Variants in DNAL4 observed in about 807,000 individuals in gnomAD.
DNAL4 encodes the protein dynein axonemal light chain 4.
In DNAL4, 10 loss-of-function variants were observed where a neutral mutation model predicts 12.6. The ratio of observed to expected loss-of-function variants is 0.79; its 90% CI spans 0.49 to 1.34. The LOEUF is 1.34. DNAL4 is among the 40% of genes most tolerant of loss of function. The pLI, the probability that DNAL4 is intolerant of heterozygous loss-of-function variation, is 0.00. For synonymous variants in DNAL4, 46 were observed against 53.1 expected, an observed-to-expected ratio of 0.87 and a Z score of 0.58; for missense variants, 128 against 138.1, an observed-to-expected ratio of 0.93 and a Z score of 0.37.
intron 1 of DNAL4, among the ~76,000 whole-genome samples, chr22:38,783,388 GGGCCTTCCCTCCCACTACACACA>G (rs1249383712): frequency 1.6e-5 from 2 of 125,058 alleles, no homozygotes; most frequent in Non-Finnish European, 3.7e-5. Context: ...CTGCATACAC[GGGCCTTCCCTCCCACTACACACA>G]CGGGCCTTCC....
At position 38,781,266 on chromosome 22, in the gene DNAL4, A is replaced by G. The variant is rs2093033890; in HGVS notation, c.70-257T>C. On this transcript the variant is annotated intron_variant, in intron 2 of 3. Coordinates refer to ENST00000216068, the MANE Select transcript of DNAL4 (RefSeq NM_005740.3). Reference sequence around the variant, plus strand: ...CAGCACCAGGTTCCAGCCAACAGACATGGGAAGAAAGCCGGCTGAGGGCGG... The same window carrying G: ...CAGCACCAGGTTCCAGCCAACAGACGTGGGAAGAAAGCCGGCTGAGGGCGG... Among the ~76,000 whole-genome samples, 13 of 152,350 alleles carry G rather than the reference A, an allele frequency of 8.5e-5. 1 individual carries two copies. In the South Asian group the frequency reaches 2.7e-3, roughly 32 times the overall value.
In DNAL4 at chr22:38,779,556, C is replaced by T. The variant is rs369007384; in HGVS notation, c.211G>A (p.Val71Met). ...MDKKFGSSWH[V>M]VIGEGFGFEI... ...AACCCAAAGCCCTCGCCGATCACCA[C>T]GTGCCAGGAGGAGCCGAACTTCTTG... The change falls in exon 4 of 4, where the codon GTG becomes ATG. Residue 71 changes from valine to methionine, a missense_variant. Coordinates refer to ENST00000216068, the MANE Select transcript of DNAL4 (RefSeq NM_005740.3). This position sits in a 1 kb window ranked among gnomAD's most constrained non-coding sequence, Gnocchi z 4.3. The T allele has an allele frequency of 2.1e-5, 33 of 1,593,772 alleles. No homozygotes were observed. The highest frequency in any genetic ancestry group is 2.7e-5 in the Non-Finnish European group (31 of 1,169,284).
At chr22:38,789,835 G>A (rs546735588) in intron 1 of DNAL4, among the ~76,000 whole-genome samples, 24 of 152,326 alleles carry the variant, frequency 1.6e-4, no homozygotes, top group South Asian at 8.3e-4. Context: ...ACAGGTGGAC[G>A]AGGTGAGGAA....
chr22:38,783,206 C>A (rs973867425), intron 1 of DNAL4, among the ~76,000 whole-genome samples: 5 of 151,896 alleles, frequency 3.3e-5, no homozygotes, highest in Middle Eastern at 3.2e-3. Context: ...CCTCCCACTA[C>A]ACACATGGGC....
At chr22:38,783,191 C>A (rs1403078763) in intron 1 of DNAL4, among the ~76,000 whole-genome samples, 2 of 151,876 alleles carry the variant, frequency 1.3e-5, no homozygotes, top group African/African-American at 2.4e-5. Flanking sequence ...CATACACGGT[C>A]CTTCCCTCCC....
At chr22:38,789,406 T>C in intron 1 of DNAL4, among the ~76,000 whole-genome samples, 1 of 151,918 alleles carries the variant, frequency 6.6e-6, no homozygotes, top group East Asian at 1.9e-4. Context: ...CACTCAGTGG[T>C]GGCACACTAC....
At chr22:38,791,602 G>C (rs778179590) in intron 1 of DNAL4, among the ~76,000 whole-genome samples, 1 of 152,000 alleles carries the variant, frequency 6.6e-6, no homozygotes. Flanking sequence ...ATGTTGATCA[G>C]GCTGGTCTCA....
At chr22:38,784,167 T>C (rs546911610) in intron 1 of DNAL4, among the ~76,000 whole-genome samples, 27 of 152,324 alleles carry the variant, frequency 1.8e-4, no homozygotes, top group Non-Finnish European at 3.8e-4. Context: ...AGGCAGGTGA[T>C]GACACGTGAC....
chr22:38,785,377 G>T (rs562942591), intron 1 of DNAL4: 1 of 152,312 alleles, frequency 6.6e-6, no homozygotes, highest in East Asian at 1.9e-4. Context: ...CAGCTTCTTA[G>T]GCATCTTCCA....
chr22:38,787,457 G>A (rs1397679798), intron 1 of DNAL4, among the ~76,000 whole-genome samples: 3 of 151,958 alleles, frequency 2.0e-5, no homozygotes, highest in African/African-American at 7.3e-5. Flanking sequence ...GGCCAGGCTG[G>A]TCTCGAACTC....
intron 3 of DNAL4, 186 bp downstream of exon 3, chr22:38,780,740 C>T (rs1044971129): frequency 4.4e-5 from 26 of 593,528 alleles, no homozygotes; most frequent in Non-Finnish European, 6.8e-5. Context: ...TGGGTGTGAC[C>T]GTCAGTGCCT....
intron 1 of DNAL4, among the ~76,000 whole-genome samples, chr22:38,784,172 C>G (rs138717730): frequency 1.8e-3 from 272 of 152,348 alleles, no homozygotes; most frequent in African/African-American, 6.2e-3. Flanking sequence ...GGTGATGACA[C>G]GTGACGGCTG....
chr22:38,783,503 C>T lies in DNAL4; in HGVS notation c.-139-633G>A, dbSNP rs546233746. ...TTCAGGTCACCACTGACAGTCTGGG[C>T]TTATTGGCAAGCAAGGGGGCCCCTC... On this transcript the variant is annotated intron_variant, in intron 1 of 3. Coordinates refer to ENST00000216068, the MANE Select transcript of DNAL4 (RefSeq NM_005740.3). Among the ~76,000 whole-genome samples the T allele has an allele frequency of 3.3e-5, 5 of 152,350 alleles. No homozygotes were observed. In the East Asian group the frequency reaches 9.7e-4, roughly 29 times the overall value.
chr22:38,784,845 T>TG (rs1321096177), intron 1 of DNAL4, among the ~76,000 whole-genome samples: 3 of 152,112 alleles, frequency 2.0e-5, no homozygotes, highest in Non-Finnish European at 2.9e-5. Context: ...AACTTGACCC[T>TG]GGTTTGGCCC....
chr22:38,782,648 T>C lies in DNAL4; in HGVS notation c.69+15A>G. On this transcript the variant is annotated intron_variant, in intron 2 of 3. Transcript: ENST00000216068. This position sits in a 1 kb window ranked among gnomAD's most constrained non-coding sequence, Gnocchi z 5.1. Reference sequence around the variant, plus strand: ...GGCCCTGCCGGCAGTCCTGCCTCCCTCCCCTGGGGCTTACCCTGACCAGAG... The same window carrying C: ...GGCCCTGCCGGCAGTCCTGCCTCCCCCCCCTGGGGCTTACCCTGACCAGAG... 1 of 1,611,912 alleles carries C rather than the reference T, an allele frequency of 6.2e-7. No homozygotes were observed. The highest frequency in any genetic ancestry group is 8.5e-7 in the Non-Finnish European group (1 of 1,179,372).
At position 38,782,706 on chromosome 22, in the gene DNAL4, T is replaced by C. The variant is rs2093036158; in HGVS notation, c.26A>G (p.Asp9Gly). 6.2e-7 allele frequency: 1 copy of C among 1,612,388 alleles called. No individual in the cohort carries two copies. The highest frequency in any genetic ancestry group is 8.5e-7 in the Non-Finnish European group (1 of 1,179,252). ...CTGCAGTCGCTTATAATCAGCCTCA[T>C]CTTTCTTCCCTTCTGTTTCTCCCAT... MGETEGKK[D>G]EADYKRLQTF... The change falls in exon 2 of 4, where the codon GAT becomes GGT. Residue 9 changes from aspartate to glycine, a missense_variant. By Grantham distance (94) the Asp-to-Gly change is moderately conservative. Coordinates refer to ENST00000216068, the MANE Select transcript of DNAL4 (RefSeq NM_005740.3). The surrounding 1 kb of genome is among the most constrained non-coding windows in gnomAD (Gnocchi z 5.1).
chr22:38,792,223 TTC>T (rs201609339), intron 1 of DNAL4, among the ~76,000 whole-genome samples: 1,584 of 152,160 alleles, frequency 0.01, 26 homozygotes, highest in African/African-American at 0.036. Context: ...CAAAAATATT[TTC>T]TTTCTTTATA....
At chr22:38,791,785 G>A (rs1170477459) in intron 1 of DNAL4, among the ~76,000 whole-genome samples, 1 of 151,860 alleles carries the variant, frequency 6.6e-6, no homozygotes, top group Non-Finnish European at 1.5e-5. Context: ...CCACCATCCG[G>A]GTTCAAATGA....
At position 38,780,997 on chromosome 22, in the gene DNAL4, G is replaced by A; in HGVS notation, c.82C>T (p.Pro28Ser). ...ATGGTCTCCACGCGCATCTCCTCTGGCATGTCCGAGTGCTAGAGACAGGGC... is the reference window on the plus strand; with the variant it reads ...ATGGTCTCCACGCGCATCTCCTCTGACATGTCCGAGTGCTAGAGACAGGGC... Reference protein sequence around the residue: ...TFPLVRHSDMPEEMRVETMEL... With the variant: ...TFPLVRHSDMSEEMRVETMEL... The change falls in exon 3 of 4, where the codon CCA (proline) becomes TCA (serine). Residue 28 changes from proline (P) to serine (S), a missense_variant. Coordinates refer to ENST00000216068, the MANE Select transcript of DNAL4 (RefSeq NM_005740.3). The A allele has an allele frequency of 6.2e-7, 1 of 1,614,110 alleles. No homozygotes were observed. Among genetic ancestry groups the A allele is most frequent in the Non-Finnish European group, 8.5e-7 (1 of 1,179,986 alleles).
Sources: gnomAD v4.1 joint callset for allele counts (sites outside exome capture counted in the v4.1 genomes callset) on GRCh38, gnomAD v4.1.1 for gene constraint, Gnocchi (gnomAD v3.1) non-coding constraint, MANE v1.5 for transcripts, NCBI Gene and HGNC (gene_info 2026-07-23, HGNC 2026-07-21) for gene names.